KALRN: variants seen among roughly 807,000 people sequenced by gnomAD.
KALRN encodes kalirin RhoGEF kinase, also known as kalirin.
In KALRN, 70 loss-of-function variants were observed where a neutral mutation model predicts 353.7. The ratio of observed to expected loss-of-function variants is 0.20; its 90% CI spans 0.16 to 0.24. The LOEUF is 0.24. KALRN is among the 10% of genes least tolerant of loss of function. The probability of loss-of-function intolerance (pLI) is 1.00; values close to 1 mark genes in which losing one functional copy is unlikely to be tolerated. For missense variants in KALRN, 2,791 were observed against 3,756.7 expected, an observed-to-expected ratio of 0.74 and a Z score of 6.72; for synonymous variants, 1,391 against 1,434.8, an observed-to-expected ratio of 0.97 and a Z score of 0.69.
chr3:124,072,275 T>C (rs1287319188), intron 1 of KALRN, among the ~76,000 whole-genome samples: 1 of 152,142 alleles, frequency 6.6e-6, no homozygotes, highest in Non-Finnish European at 1.5e-5. Context: ...TTCCTGGACT[T>C]GTTCTGTTCC....
chr3:124,215,890 G>C (rs574385078), intron 1 of KALRN, among the ~76,000 whole-genome samples: 4 of 152,230 alleles, frequency 2.6e-5, no homozygotes, highest in African/African-American at 9.6e-5. Flanking sequence ...GGCTCCAGCA[G>C]ATCTTGTTAA....
intron 33 of KALRN, among the ~76,000 whole-genome samples, chr3:124,534,321 A>G (rs924117688): frequency 2.6e-5 from 4 of 152,210 alleles, no homozygotes; most frequent in Non-Finnish European, 5.9e-5. Context: ...GGAGTTGAAC[A>G]ATGAGAACAC....
At chr3:124,268,012 C>T (rs2148915460) in intron 4 of KALRN, among the ~76,000 whole-genome samples, 1 of 152,284 alleles carries the variant, frequency 6.6e-6, no homozygotes, top group South Asian at 2.1e-4. Context: ...ATTTGCTAGC[C>T]TCTCATTCTT....
intron 25 of KALRN, 123 bp downstream of exon 25, chr3:124,462,756 C>T: frequency 3.3e-6 from 2 of 605,540 alleles, no homozygotes; most frequent in South Asian, 4.1e-5. Context: ...AAGGCAGTTG[C>T]TGTCAGACTT....
At chr3:124,668,637 G>C (rs187624339) in intron 47 of KALRN, among the ~76,000 whole-genome samples, 3 of 152,296 alleles carry the variant, frequency 2.0e-5, no homozygotes, top group Admixed American at 6.5e-5. Context: ...TTTGGGCCAG[G>C]CTCCTGGCCC....
In KALRN at chr3:124,490,118, G is replaced by A. The variant is rs555413618; in HGVS notation, c.4397-576G>A. ...TACAGAAAATACAAAAATTACCTGGGCATGGTGGCATGTACCTATGACCCA... is the reference window on the plus strand; with the variant it reads ...TACAGAAAATACAAAAATTACCTGGACATGGTGGCATGTACCTATGACCCA... On this transcript the variant is annotated intron_variant, in intron 29 of 59. Transcript: ENST00000682506. 2.0e-5 allele frequency among the ~76,000 whole-genome samples: 3 copies of A among 152,254 alleles called. No homozygotes were observed. The South Asian group carries it at 6.2e-4, about 32-fold the overall frequency.
intron 27 of KALRN, 71 bp downstream of exon 27, chr3:124,477,405 A>T: frequency 8.9e-7 from 1 of 1,129,864 alleles, no homozygotes; most frequent in Non-Finnish European, 1.3e-6. Context: ...GGCATAATGG[A>T]TGGATATTTA....
intron 1 of KALRN, among the ~76,000 whole-genome samples, chr3:124,221,603 G>T (rs1304219300): frequency 2.0e-5 from 3 of 152,170 alleles, no homozygotes; most frequent in African/African-American, 7.2e-5. Flanking sequence ...GATTTAAGAG[G>T]TAGGATCAAC....
chr3:124,425,973 T>C (rs1332227977), intron 15 of KALRN, among the ~76,000 whole-genome samples: 1 of 152,164 alleles, frequency 6.6e-6, no homozygotes, highest in Non-Finnish European at 1.5e-5. Context: ...ATTTCTACCA[T>C]GACAAAAATG....
chr3:124,670,199 G>C (rs970891266), intron 47 of KALRN, among the ~76,000 whole-genome samples: 1 of 152,138 alleles, frequency 6.6e-6, no homozygotes, highest in Non-Finnish European at 1.5e-5. Context: ...GCCATGGCTG[G>C]TCCTGAACTC....
At chr3:124,581,715 G>T (rs185894240) in intron 34 of KALRN, among the ~76,000 whole-genome samples, 79 of 152,264 alleles carry the variant, frequency 5.2e-4, no homozygotes, top group African/African-American at 1.8e-3. Context: ...AGAGGGATTG[G>T]GTGGGTAAAC....
intron 1 of KALRN, among the ~76,000 whole-genome samples, chr3:124,040,187 G>T (rs1178366793): frequency 1.3e-5 from 2 of 152,286 alleles, no homozygotes; most frequent in Non-Finnish European, 2.9e-5. Context: ...GCTACAGAAA[G>T]AAATTAGCTG....
intron 38 of KALRN, among the ~76,000 whole-genome samples, chr3:124,651,877 ATCC>A (rs1165084189): frequency 3.9e-5 from 6 of 152,084 alleles, no homozygotes; most frequent in Non-Finnish European, 8.8e-5. Flanking sequence ...GGCTCAAGTA[ATCC>A]TCCTGTCTCA....
Position 124,469,071 on chromosome 3 carries a change from T to C in KALRN, c.4032-5592T>C, listed in dbSNP as rs1487784435. Among the ~76,000 whole-genome samples the C allele has an allele frequency of 3.3e-5, 5 of 152,370 alleles. No homozygotes were observed. The East Asian group carries it at 9.6e-4, about 29-fold the overall frequency. ...CCACCTTATTGGAGATGAGTAACAT[T>C]AAGCATAAGATTAATCTTTTGTATT... On this transcript the variant is annotated intron_variant, in intron 25 of 59. Transcript: ENST00000682506.
At chr3:124,378,295 T>C (rs2086860847) in intron 10 of KALRN, among the ~76,000 whole-genome samples, 1 of 152,104 alleles carries the variant, frequency 6.6e-6, no homozygotes, top group African/African-American at 2.4e-5. Flanking sequence ...TTACATAAAG[T>C]ATAGGAACCT....
intron 1 of KALRN, among the ~76,000 whole-genome samples, chr3:124,130,734 T>A (rs2065178776): frequency 1.3e-5 from 2 of 152,300 alleles, no homozygotes; most frequent in South Asian, 2.1e-4. Context: ...ACCAAAATGT[T>A]GTTTCCAACA....
At chr3:124,666,966 T>TA (rs774162359) in intron 46 of KALRN, 46 bp from the exon 47 acceptor site, 2 of 1,553,664 alleles carry the variant, frequency 1.3e-6, no homozygotes, top group Non-Finnish European at 1.7e-6. Flanking sequence ...TGCTGATTTT[T>TA]AAAAAATCTT....
chr3:124,439,206 A>T lies in KALRN; in HGVS notation c.3198+169A>T, dbSNP rs879582362. On this transcript the variant is annotated intron_variant, in intron 18 of 59. Transcript: ENST00000682506. ...TTCTCCTTCTCTCTCTCTCTCACAC[A>T]CACACACACACACACACACACACAC... 7.9e-3 allele frequency among the ~76,000 whole-genome samples: 1,124 copies of T among 141,830 alleles called. 19 individuals are homozygous for T. Among genetic ancestry groups the T allele is most frequent in the African/African-American group, 0.023 (907 of 38,796 alleles). The allele number at this position is 141,830 out of a possible 152,430, so 93.0% of individuals were successfully genotyped here. A position where few individuals can be genotyped will look rare whatever the true frequency, so the allele number is the denominator to read the frequency against.
chr3:124,202,828 G>T (rs1388411932), intron 1 of KALRN, among the ~76,000 whole-genome samples: 1 of 152,128 alleles, frequency 6.6e-6, no homozygotes, highest in Non-Finnish European at 1.5e-5. Flanking sequence ...CTTAATTCCT[G>T]AGAATCTTCT....
Sources: gnomAD v4.1 joint callset for allele counts (sites outside exome capture counted in the v4.1 genomes callset) on GRCh38, gnomAD v4.1.1 for gene constraint, MANE v1.5 for transcripts, NCBI Gene and HGNC (gene_info 2026-07-23, HGNC 2026-07-21) for gene names.